Variants in SCFD2 observed in about 807,000 individuals in gnomAD.
SCFD2 encodes sec1 family domain-containing protein 2.
A neutral mutation model predicts 58.9 loss-of-function variants in SCFD2; 54 were observed. The observed-to-expected ratio is 0.92, with a 90% CI of 0.74 to 1.15. The LOEUF (loss-of-function observed/expected upper bound fraction) is 1.15. Among genes scored for constraint, SCFD2 ranks in the 50% most tolerant of loss-of-function variants. The pLI is 0.00. For missense variants in SCFD2, 805 were observed against 836.6 expected (o/e 0.96, Z 0.47); for synonymous variants, 321 against 335.9 (o/e 0.96, Z 0.49).
rs375698230 is a variant in SCFD2, at chr4:52,885,507, T to C, written c.1962+240A>G. 3.9e-4 allele frequency among the ~76,000 whole-genome samples: 60 copies of C among 152,238 alleles called. 1 individual carries two copies. Among genetic ancestry groups the C allele is most frequent in the Middle Eastern group, 3.4e-3 (1 of 294 alleles). On this transcript the variant is annotated intron_variant, in intron 8 of 8. Coordinates refer to ENST00000401642, the MANE Select transcript of SCFD2 (RefSeq NM_152540.4). ...GCATTTAACCTGTCATGATAGACTT[T>C]ATCAAAATGACCCAGTCCTCCACCA...
At chr4:53,325,837 CA>C (rs921328536) in intron 2 of SCFD2, among the ~76,000 whole-genome samples, 6 of 152,086 alleles carry the variant, frequency 3.9e-5, no homozygotes, top group Non-Finnish European at 5.9e-5. Context: ...TTGTTTAAGC[CA>C]CTTTGTCCAG....
intron 3 of SCFD2, among the ~76,000 whole-genome samples, chr4:53,308,828 G>A (rs1333585900): frequency 6.6e-6 from 1 of 152,020 alleles, no homozygotes; most frequent in Non-Finnish European, 1.5e-5. Context: ...TCTTATCTGG[G>A]GCTTTATTAA....
At chr4:53,102,962 G>C (rs1004032136) in intron 5 of SCFD2, among the ~76,000 whole-genome samples, 2 of 152,130 alleles carry the variant, frequency 1.3e-5, no homozygotes, top group Non-Finnish European at 2.9e-5. Context: ...TAGGCAGACA[G>C]CTGGAGAGAA....
At chr4:53,008,193 TAC>T (rs1195682424) in intron 5 of SCFD2, among the ~76,000 whole-genome samples, 3 of 152,156 alleles carry the variant, frequency 2.0e-5, no homozygotes, top group Non-Finnish European at 2.9e-5. Context: ...AGCACTAGAA[TAC>T]AGAGAAAACA....
intron 4 of SCFD2, among the ~76,000 whole-genome samples, chr4:53,257,422 G>T (rs1034548857): frequency 5.3e-5 from 8 of 152,152 alleles, no homozygotes; most frequent in African/African-American, 1.9e-4. Flanking sequence ...TAGTCAGGGC[G>T]CCTCCTAAGC....
intron 5 of SCFD2, among the ~76,000 whole-genome samples, chr4:52,992,700 G>A (rs1721643920): frequency 1.3e-5 from 2 of 152,168 alleles, no homozygotes; most frequent in Admixed American, 1.3e-4. Flanking sequence ...GAGGTGAGGA[G>A]CGTCTCCGCC....
rs149279031 is a variant in SCFD2, at chr4:52,948,466, G to GAGAT, written c.1562-27600_1562-27597dup. On this transcript the variant is annotated intron_variant, in intron 5 of 8. Coordinates refer to ENST00000401642, the MANE Select transcript of SCFD2 (RefSeq NM_152540.4). ...GCCTCAGTTTCTGCTTCTGTAAAGG[G>GAGAT]AGATAACTACAGTGACCTTCAGGTT... The GAGAT allele has an allele frequency of 8.1e-4, 370 of 455,482 alleles. 4 individuals carry two copies. Among genetic ancestry groups the GAGAT allele is most frequent in the African/African-American group, 6.7e-3 (338 of 50,156 alleles). The allele number at this position is 455,482 out of a possible 1,614,324, so 28.2% of individuals were successfully genotyped here.
At chr4:53,168,538 C>T (rs1727082121) in intron 4 of SCFD2, among the ~76,000 whole-genome samples, 1 of 151,954 alleles carries the variant, frequency 6.6e-6, no homozygotes. Context: ...ATAAAATGTG[C>T]CACAAAATAA....
intron 5 of SCFD2, among the ~76,000 whole-genome samples, chr4:53,064,943 C>A (rs1723615354): frequency 6.6e-6 from 1 of 152,092 alleles, no homozygotes; most frequent in South Asian, 2.1e-4. Context: ...TAATCACGTT[C>A]TTAATATTTT....
intron 5 of SCFD2, among the ~76,000 whole-genome samples, chr4:53,137,589 T>C (rs1725979776): frequency 6.6e-6 from 1 of 152,230 alleles, no homozygotes; most frequent in African/African-American, 2.4e-5. Flanking sequence ...TCTTAGGGTA[T>C]TATCATGCCT....
At chr4:53,339,308 T>C (rs1306431446) in intron 2 of SCFD2, among the ~76,000 whole-genome samples, 1 of 151,088 alleles carries the variant, frequency 6.6e-6, no homozygotes, top group Non-Finnish European at 1.5e-5. Flanking sequence ...TTGAGATAAG[T>C]TATTACATGT....
chr4:53,112,537 G>A (rs1213713679), intron 5 of SCFD2, among the ~76,000 whole-genome samples: 2 of 152,022 alleles, frequency 1.3e-5, no homozygotes, highest in South Asian at 2.1e-4. Context: ...CTAAAAATTT[G>A]CATCCTTTCT....
chr4:53,179,344 T>C (rs1727461220), intron 4 of SCFD2, among the ~76,000 whole-genome samples: 3 of 152,240 alleles, frequency 2.0e-5, no homozygotes, highest in South Asian at 2.1e-4. Context: ...GGGACCAATA[T>C]TCAACATTCT....
Position 53,352,696 on chromosome 4 carries a change from G to A in SCFD2, c.909C>T (p.His303=). The A allele has an allele frequency of 6.2e-7, 1 of 1,614,078 alleles. No individual in the cohort carries two copies. The highest frequency in any genetic ancestry group is 8.5e-7 in the Non-Finnish European group (1 of 1,179,946). ...IISALPQLPG[H]TNDVMVNMIA... ...TCATGTTAACCATCACATCATTTGT[G>A]TGGCCTGGGAGCTGGGGAAGTGCTG... Residue 303 remains histidine, a synonymous_variant, in exon 2 of 9, where the codon CAC becomes CAT. Coordinates refer to ENST00000401642, the MANE Select transcript of SCFD2 (RefSeq NM_152540.4).
intron 5 of SCFD2, among the ~76,000 whole-genome samples, chr4:53,005,703 CAG>C (rs925198906): frequency 2.0e-5 from 3 of 152,190 alleles, no homozygotes; most frequent in Admixed American, 2.0e-4. Flanking sequence ...AACATTCAAT[CAG>C]AGAGACACAA....
chr4:53,199,622 G>T (rs1226211690), intron 4 of SCFD2, among the ~76,000 whole-genome samples: 1 of 152,020 alleles, frequency 6.6e-6, no homozygotes, highest in African/African-American at 2.4e-5. Flanking sequence ...AGGGTTGAAG[G>T]GGGTGGGACT....
At chr4:53,361,633 G>C (rs940057309) in intron 1 of SCFD2, among the ~76,000 whole-genome samples, 1 of 152,146 alleles carries the variant, frequency 6.6e-6, no homozygotes, top group African/African-American at 2.4e-5. Flanking sequence ...CTAGGCTCCA[G>C]TGATTCACCA....
chr4:53,071,947 AG>A (rs1320313149), intron 5 of SCFD2, among the ~76,000 whole-genome samples: 2 of 152,140 alleles, frequency 1.3e-5, no homozygotes, highest in Non-Finnish European at 2.9e-5. Context: ...AAAATACAGA[AG>A]GCCAAACAGT....
intron 6 of SCFD2, among the ~76,000 whole-genome samples, chr4:52,916,436 T>C (rs982983906): frequency 1.3e-5 from 2 of 152,136 alleles, no homozygotes; most frequent in Non-Finnish European, 1.5e-5. Flanking sequence ...TAGCTGGGCA[T>C]GATGGCGCGC....
Sources: gnomAD v4.1 joint callset for allele counts (sites outside exome capture counted in the v4.1 genomes callset) on GRCh38, gnomAD v4.1.1 for gene constraint, MANE v1.5 for transcripts, NCBI Gene and HGNC (gene_info 2026-07-23, HGNC 2026-07-21) for gene names.